Variants in KCNMA1 observed in about 807,000 individuals in gnomAD.
The protein encoded by KCNMA1 is Calcium-activated potassium channel subunit alpha-1.
KCNMA1 carries 29 observed loss-of-function variants against 140.0 expected under a neutral mutation model. The ratio of observed to expected loss-of-function variants is 0.21; its 90% CI spans 0.15 to 0.28. The LOEUF (loss-of-function observed/expected upper bound fraction) is 0.28, where lower values mean the gene tolerates loss of function less well. Among genes scored for constraint, KCNMA1 ranks in the 10% least tolerant of loss-of-function variants. The pLI is 1.00. For missense variants in KCNMA1, 880 were observed against 1,602.2 expected, an observed-to-expected ratio of 0.55 and a Z score of 7.70; for synonymous variants, 612 against 611.9, an observed-to-expected ratio of 1.00 and a Z score of 0.00.
chr10:77,425,326 G>T (rs952581901), intron 1 of KCNMA1, among the ~76,000 whole-genome samples: 1 of 152,064 alleles, frequency 6.6e-6, no homozygotes, highest in Admixed American at 6.5e-5. Flanking sequence ...TTCCCTAAAT[G>T]CCCCCTCCCT....
Position 77,283,469 on chromosome 10 carries a change from A to G in KCNMA1, c.541-32213T>C, listed in dbSNP as rs185429498. Among the ~76,000 whole-genome samples the G allele has an allele frequency of 1.6e-3, 247 of 152,310 alleles. 1 individual carries two copies. Among genetic ancestry groups the G allele is most frequent in the African/African-American group, 5.8e-3 (240 of 41,562 alleles). On this transcript the variant is annotated intron_variant, in intron 2 of 27. Transcript: ENST00000286628. Reference sequence around the variant, plus strand: ...GGTGCCTGTCAGGCACAACAGCTTGATAGGGACAGCCGCATTCCCTGTCAG... The same window carrying G: ...GGTGCCTGTCAGGCACAACAGCTTGGTAGGGACAGCCGCATTCCCTGTCAG...
intron 1 of KCNMA1, among the ~76,000 whole-genome samples, chr10:77,498,365 A>C (rs2042671499): frequency 6.6e-6 from 1 of 152,192 alleles, no homozygotes; most frequent in Non-Finnish European, 1.5e-5. Flanking sequence ...CCAGAAGAAA[A>C]CTGGCCAGGG....
chr10:77,523,390 G>T (rs2054289230), intron 1 of KCNMA1, among the ~76,000 whole-genome samples: 1 of 152,186 alleles, frequency 6.6e-6, no homozygotes, highest in South Asian at 2.1e-4. Context: ...CATGTGTTGG[G>T]TTTGCTTCAA....
intron 15 of KCNMA1, among the ~76,000 whole-genome samples, chr10:77,038,792 C>T (rs1382851107): frequency 2.0e-5 from 3 of 152,180 alleles, no homozygotes; most frequent in African/African-American, 7.2e-5. Flanking sequence ...CCTCTCACCT[C>T]AGCTTCTAAA....
chr10:77,589,113 G>A (rs569885192), intron 1 of KCNMA1, among the ~76,000 whole-genome samples: 49 of 152,286 alleles, frequency 3.2e-4, no homozygotes, highest in Admixed American at 2.9e-3. Context: ...GCAGTGGGCC[G>A]GATTCGACCT....
chr10:77,442,736 AC>A, intron 1 of KCNMA1, among the ~76,000 whole-genome samples: 1 of 151,864 alleles, frequency 6.6e-6, no homozygotes, highest in East Asian at 1.9e-4. Flanking sequence ...TATGCATGGG[AC>A]TCAGCACACA....
chr10:76,921,250 CA>C (rs2055653633), intron 23 of KCNMA1, among the ~76,000 whole-genome samples: 1 of 152,038 alleles, frequency 6.6e-6, no homozygotes, highest in Non-Finnish European at 1.5e-5. Flanking sequence ...TTTGCTGAGA[CA>C]GGTATTCAAT....
At chr10:77,218,314 C>T (rs993836086) in intron 3 of KCNMA1, among the ~76,000 whole-genome samples, 1 of 152,154 alleles carries the variant, frequency 6.6e-6, no homozygotes, top group African/African-American at 2.4e-5. Flanking sequence ...CCATTTAAAC[C>T]ATTTAAAACC....
chr10:77,411,678 C>A (rs2096622415), intron 1 of KCNMA1, among the ~76,000 whole-genome samples: 1 of 152,196 alleles, frequency 6.6e-6, no homozygotes, highest in African/African-American at 2.4e-5. Context: ...GAAGAGCACT[C>A]AATTCATGCC....
chr10:77,187,858 C>T (rs570387127), intron 3 of KCNMA1, among the ~76,000 whole-genome samples: 3 of 152,040 alleles, frequency 2.0e-5, no homozygotes, highest in Non-Finnish European at 4.4e-5. Flanking sequence ...CTGTAGTTTA[C>T]GGACTCGCAC....
chr10:77,300,411 C>T (rs1365750852), intron 2 of KCNMA1, among the ~76,000 whole-genome samples: 1 of 152,192 alleles, frequency 6.6e-6, no homozygotes, highest in African/African-American at 2.4e-5. Context: ...TAGCATCTAT[C>T]TCACAGGTAG....
chr10:76,983,887 C>T (rs994577696), intron 19 of KCNMA1, among the ~76,000 whole-genome samples: 10 of 151,822 alleles, frequency 6.6e-5, no homozygotes, highest in African/African-American at 1.5e-4. Flanking sequence ...AAAGGAATAC[C>T]GCAGACCATA....
intron 23 of KCNMA1, among the ~76,000 whole-genome samples, chr10:76,936,940 C>T (rs758756570): frequency 6.6e-6 from 1 of 152,162 alleles, no homozygotes; most frequent in Non-Finnish European, 1.5e-5. Flanking sequence ...TGACAAACAC[C>T]ATAGCTCTCC....
At chr10:77,635,720 G>C (rs2093665711) in intron 1 of KCNMA1, 1 of 152,288 alleles carries the variant, frequency 6.6e-6, no homozygotes, top group Non-Finnish European at 1.5e-5. Context: ...CGGCTGAGAA[G>C]GTAATTCCAA....
intron 1 of KCNMA1, among the ~76,000 whole-genome samples, chr10:77,416,288 G>A (rs1035892597): frequency 6.6e-6 from 1 of 152,148 alleles, no homozygotes; most frequent in African/African-American, 2.4e-5. Flanking sequence ...GGCTGGAGGA[G>A]CTCTGCAAGC....
chr10:77,072,212 T>C (rs1222527411), intron 14 of KCNMA1, among the ~76,000 whole-genome samples: 1 of 152,206 alleles, frequency 6.6e-6, no homozygotes, highest in Non-Finnish European at 1.5e-5. Flanking sequence ...CAGAGCTAAC[T>C]GCCTCCCATG....
chr10:77,523,212 C>CG (rs1724888569), intron 1 of KCNMA1, among the ~76,000 whole-genome samples: 2 of 150,382 alleles, frequency 1.3e-5, no homozygotes, highest in Non-Finnish European at 3.0e-5. Flanking sequence ...TGCCCCCCCC[C>CG]CTTGCAATCA....
intron 2 of KCNMA1, among the ~76,000 whole-genome samples, chr10:77,305,824 G>A (rs574969572): frequency 9.2e-5 from 14 of 152,078 alleles, no homozygotes; most frequent in African/African-American, 2.4e-4. Context: ...GAGGCTCTGC[G>A]CAAACAAAAT....
intron 1 of KCNMA1, among the ~76,000 whole-genome samples, chr10:77,463,863 G>A (rs947772485): frequency 2.0e-5 from 3 of 152,160 alleles, no homozygotes; most frequent in African/African-American, 4.8e-5. Context: ...TGGGACAGGC[G>A]ACAGGAGCTG....
Sources: gnomAD v4.1 joint callset for allele counts (sites outside exome capture counted in the v4.1 genomes callset) on GRCh38, gnomAD v4.1.1 for gene constraint, MANE v1.5 for transcripts, NCBI Gene and HGNC (gene_info 2026-07-23, HGNC 2026-07-21) for gene names.